SCMH1: variants seen among roughly 807,000 people sequenced by gnomAD.
The protein encoded by SCMH1 is Scm polycomb group protein homolog 1.
A neutral mutation model predicts 70.8 loss-of-function variants in SCMH1; 37 were observed. That is an observed-to-expected ratio of 0.52 (90% CI 0.40 to 0.69). The LOEUF is 0.69. Among genes scored for constraint, SCMH1 ranks in the 30% least tolerant of loss-of-function variants. The pLI is 0.00. For missense variants in SCMH1, 607 were observed against 827.3 expected, an observed-to-expected ratio of 0.73 and a Z score of 3.27; for synonymous variants, 292 against 307.4, an observed-to-expected ratio of 0.95 and a Z score of 0.52.
At chr1:41,213,488 G>A (rs1383004108) in intron 1 of SCMH1, among the ~76,000 whole-genome samples, 1 of 151,992 alleles carries the variant, frequency 6.6e-6, no homozygotes, top group Non-Finnish European at 1.5e-5. Flanking sequence ...ACCTTCCCAG[G>A]TTTTATGGGT....
At chr1:41,147,208 C>T (rs1644663392) in intron 5 of SCMH1, among the ~76,000 whole-genome samples, 1 of 152,072 alleles carries the variant, frequency 6.6e-6, no homozygotes, top group Non-Finnish European at 1.5e-5. Context: ...ATACATTTTC[C>T]TTGGTGTTTG....
chr1:41,239,702 C>T (rs1250754108), intron 1 of SCMH1, among the ~76,000 whole-genome samples: 1 of 152,172 alleles, frequency 6.6e-6, no homozygotes, highest in Non-Finnish European at 1.5e-5. Context: ...GTGATCATGG[C>T]TCACTGAAGC....
intron 7 of SCMH1, among the ~76,000 whole-genome samples, chr1:41,115,986 T>C (rs1247662405): frequency 6.6e-6 from 1 of 152,214 alleles, no homozygotes; most frequent in African/African-American, 2.4e-5. Context: ...TCTGAATTTA[T>C]TACAACTACC....
intron 10 of SCMH1, among the ~76,000 whole-genome samples, chr1:41,055,628 G>A (rs1407555828): frequency 2.0e-5 from 3 of 152,182 alleles, no homozygotes; most frequent in African/African-American, 4.8e-5. Context: ...CACCGCGCCC[G>A]GCCTCAGAAT....
intron 8 of SCMH1, among the ~76,000 whole-genome samples, chr1:41,104,801 T>C (rs1033932942): frequency 6.6e-6 from 1 of 151,972 alleles, no homozygotes; most frequent in Non-Finnish European, 1.5e-5. Context: ...AAAAGCTGGG[T>C]GGAAGGGCAG....
chr1:41,142,717 A>G (rs34286980), intron 6 of SCMH1, among the ~76,000 whole-genome samples, 161 bp downstream of exon 6: 16,454 of 152,262 alleles, frequency 0.11, 1,263 homozygotes, highest in East Asian at 0.27. Context: ...GGAGATGTCC[A>G]AATTGTGCAG....
At chr1:41,213,540 G>A (rs1657484234) in intron 1 of SCMH1, among the ~76,000 whole-genome samples, 1 of 152,038 alleles carries the variant, frequency 6.6e-6, no homozygotes, top group African/African-American at 2.4e-5. Flanking sequence ...ACCCTCATGT[G>A]ACAGGTTCCT....
chr1:41,097,212 C>T (rs1449943809), intron 8 of SCMH1, among the ~76,000 whole-genome samples: 5 of 152,132 alleles, frequency 3.3e-5, no homozygotes. Context: ...TCTTAATTTG[C>T]AACTCTGCTG....
chr1:41,136,214 G>A (rs1643290755), intron 6 of SCMH1, among the ~76,000 whole-genome samples: 1 of 152,046 alleles, frequency 6.6e-6, no homozygotes, highest in African/African-American at 2.4e-5. Context: ...CAAAAGTGCT[G>A]GGATCACAGG....
At chr1:41,135,333 C>T (rs952067732) in intron 6 of SCMH1, among the ~76,000 whole-genome samples, 1 of 152,102 alleles carries the variant, frequency 6.6e-6, no homozygotes, top group African/African-American at 2.4e-5. Flanking sequence ...AATTGTAGTT[C>T]CCATAATCCC....
intron 10 of SCMH1, among the ~76,000 whole-genome samples, chr1:41,069,077 C>G (rs72663761): frequency 0.11 from 16,219 of 152,074 alleles, 987 homozygotes; most frequent in South Asian, 0.18. Context: ...AAACACAAAA[C>G]AAGGAAATCA....
At chr1:41,054,588 T>C (rs754164631) in intron 10 of SCMH1, among the ~76,000 whole-genome samples, 1 of 152,224 alleles carries the variant, frequency 6.6e-6, no homozygotes, top group Non-Finnish European at 1.5e-5. Flanking sequence ...AAAGGTTCTC[T>C]AAGAATCTTA....
In SCMH1 at chr1:41,070,597, G is replaced by A. The variant is rs760107819; in HGVS notation, c.1103C>T (p.Thr368Ile). Residue 368 changes from threonine (T) to isoleucine (I), a missense_variant and splice_region_variant, in exon 10 of 15, where the codon ACA becomes ATA. This residue lies in a region of SCMH1 where 430 missense variants were observed against 528.2 expected (regional missense o/e 0.81). Coordinates refer to ENST00000337495, the Ensembl canonical transcript of SCMH1. Reference sequence around the variant, plus strand: ...GTAGTCCTGTCATCTGCTCTTACCTGTTGGGGCCTGCATGGCTGAGCTGGG... The same window carrying A: ...GTAGTCCTGTCATCTGCTCTTACCTATTGGGGCCTGCATGGCTGAGCTGGG... The A allele has an allele frequency of 5.6e-6, 9 of 1,614,122 alleles. No homozygotes were observed. Among genetic ancestry groups the A allele is most frequent in the Non-Finnish European group, 6.8e-6 (8 of 1,179,978 alleles).
chr1:41,042,845 T>A (rs1167674696), intron 12 of SCMH1, among the ~76,000 whole-genome samples: 4 of 152,088 alleles, frequency 2.6e-5, no homozygotes, highest in African/African-American at 9.7e-5. Context: ...TTTGTAAATA[T>A]TTGATGACCT....
chr1:41,203,978 C>T (rs910561890), intron 1 of SCMH1, among the ~76,000 whole-genome samples: 29 of 152,182 alleles, frequency 1.9e-4, no homozygotes, highest in Non-Finnish European at 2.5e-4. Context: ...ATTCCTCTAG[C>T]GCCGCTGGGT....
intron 2 of SCMH1, among the ~76,000 whole-genome samples, chr1:41,164,421 C>A (rs957731459): frequency 7.1e-6 from 1 of 141,424 alleles, no homozygotes. Flanking sequence ...ATACTCTCCC[C>A]AACTTCACTC....
rs1373423982 is a variant in SCMH1, at chr1:41,219,712, T to A, written c.-118+22347A>T. On this transcript the variant is annotated intron_variant, in intron 1 of 14. Transcript: ENST00000337495. ...TGGGAGGCCAAGGTGGGCGGATCAC[T>A]TGAGGTCAGGAGTTTGAGATCAGCC... 2.0e-5 allele frequency among the ~76,000 whole-genome samples: 3 copies of A among 152,130 alleles called. No homozygotes were observed. The East Asian group carries it at 5.8e-4, about 29-fold the overall frequency.
intron 1 of SCMH1, among the ~76,000 whole-genome samples, chr1:41,228,338 G>A (rs138179914): frequency 1.4e-3 from 216 of 152,318 alleles, no homozygotes; most frequent in Non-Finnish European, 2.3e-3. Flanking sequence ...GAGATGGATG[G>A]TGATGAGGGT....
At chr1:41,122,108 A>C (rs1209611820) in intron 6 of SCMH1, among the ~76,000 whole-genome samples, 11 of 152,184 alleles carry the variant, frequency 7.2e-5, no homozygotes. Flanking sequence ...TATGTTTTTA[A>C]AAATATAAAT....
Sources: allele counts gnomAD v4.1 joint callset (sites outside exome capture counted in the v4.1 genomes callset), GRCh38; gene constraint gnomAD v4.1.1; regional missense constraint gnomAD v4.1.1; transcripts MANE v1.5; gene names NCBI Gene and HGNC (gene_info 2026-07-23, HGNC 2026-07-21).